Variants in OPCML observed in about 807,000 individuals in gnomAD.
The protein encoded by OPCML is opioid binding protein/cell adhesion molecule like, also known as opioid-binding protein/cell adhesion molecule.
Under a neutral mutation model 37.8 loss-of-function variants are expected in OPCML, and 13 were observed. That is an observed-to-expected ratio of 0.34 (90% CI 0.22 to 0.55). OPCML has a LOEUF of 0.55. Among genes scored for constraint, OPCML ranks in the 20% least tolerant of loss-of-function variants. The pLI is 0.91. For synonymous variants in OPCML, 176 were observed against 168.8 expected (o/e 1.04, Z -0.33); for missense variants, 341 against 435.6 (o/e 0.78, Z 1.93).
chr11:132,777,833 G>A (rs1946860319), intron 2 of OPCML, among the ~76,000 whole-genome samples: 1 of 152,166 alleles, frequency 6.6e-6, no homozygotes, highest in South Asian at 2.1e-4. Flanking sequence ...CATGTTTAAA[G>A]GCGCAGACCA....
chr11:132,660,496 A>G (rs561772708), intron 2 of OPCML, among the ~76,000 whole-genome samples: 1 of 152,324 alleles, frequency 6.6e-6, no homozygotes, highest in African/African-American at 2.4e-5. Context: ...TCTGGAAAGT[A>G]TATGATACCA....
intron 7 of OPCML, among the ~76,000 whole-genome samples, chr11:132,431,421 C>G (rs961886730): frequency 6.6e-6 from 1 of 152,242 alleles, no homozygotes; most frequent in South Asian, 2.1e-4. Flanking sequence ...GGCCACTTTT[C>G]CAGCACCTGC....
chr11:133,449,815 A>C (rs1020354618), intron 1 of OPCML, among the ~76,000 whole-genome samples: 3 of 151,678 alleles, frequency 2.0e-5, no homozygotes, highest in African/African-American at 7.3e-5. Flanking sequence ...TCACATTCTG[A>C]GGCTCCAGGT....
intron 1 of OPCML, among the ~76,000 whole-genome samples, chr11:132,964,305 A>G (rs1946164116): frequency 6.6e-6 from 1 of 152,238 alleles, no homozygotes; most frequent in Non-Finnish European, 1.5e-5. Context: ...TGCAGTCTTC[A>G]TGATACTGCT....
intron 1 of OPCML, among the ~76,000 whole-genome samples, chr11:132,994,961 C>T (rs1407665006): frequency 1.3e-5 from 2 of 152,318 alleles, no homozygotes; most frequent in East Asian, 3.9e-4. Context: ...AAAACTGAGA[C>T]TCTAAAAGGA....
intron 4 of OPCML, among the ~76,000 whole-genome samples, chr11:132,516,370 C>T (rs1182967832): frequency 6.6e-6 from 1 of 152,126 alleles, no homozygotes; most frequent in Non-Finnish European, 1.5e-5. Context: ...CAGAGTGCTT[C>T]CTGCATCTGG....
intron 4 of OPCML, among the ~76,000 whole-genome samples, chr11:132,479,415 G>C (rs1017798178): frequency 1.3e-5 from 2 of 152,218 alleles, no homozygotes; most frequent in Non-Finnish European, 2.9e-5. Flanking sequence ...AGCAGTCTGA[G>C]CTCAAACTGC....
intron 1 of OPCML, among the ~76,000 whole-genome samples, chr11:133,138,126 C>A (rs963504569): frequency 9.2e-5 from 14 of 152,142 alleles, no homozygotes; most frequent in African/African-American, 1.7e-4. Context: ...TTCTCACTCT[C>A]ATGGGACTGA....
Position 132,604,990 on chromosome 11 carries a change from T to C in OPCML, c.379+52097A>G, listed in dbSNP as rs1029469269. Among the ~76,000 whole-genome samples, 102 of 152,232 alleles carry C rather than the reference T, an allele frequency of 6.7e-4. 1 individual carries two copies. The highest frequency in any genetic ancestry group is 3.9e-3 in the Admixed American group (59 of 15,284). On this transcript the variant is annotated intron_variant, in intron 3 of 7. Coordinates refer to ENST00000524381, the MANE Select transcript of OPCML (RefSeq NM_001012393.5). ...ACCCATTATAAGAAATAAATTTTAG[T>C]AAAAATTAATCTGGCCCTGACATGC...
intron 1 of OPCML, among the ~76,000 whole-genome samples, chr11:133,284,269 A>T (rs576472269): frequency 7.9e-5 from 12 of 152,226 alleles, no homozygotes; most frequent in Non-Finnish European, 1.8e-4. Flanking sequence ...TGACAGCCTC[A>T]GGATGGCCTG....
At chr11:132,705,025 G>T (rs1041205732) in intron 2 of OPCML, among the ~76,000 whole-genome samples, 1 of 152,348 alleles carries the variant, frequency 6.6e-6, no homozygotes, top group Non-Finnish European at 1.5e-5. Context: ...TGAGTAAACA[G>T]ATCTGGCTGA....
chr11:132,625,119 A>G (rs770942619), intron 3 of OPCML, among the ~76,000 whole-genome samples: 1 of 152,156 alleles, frequency 6.6e-6, no homozygotes. Flanking sequence ...CAAAATCAAC[A>G]TTGTTATACA....
intron 3 of OPCML, among the ~76,000 whole-genome samples, chr11:132,610,479 G>A (rs905292237): frequency 6.6e-6 from 1 of 152,188 alleles, no homozygotes; most frequent in Admixed American, 6.5e-5. Flanking sequence ...TGAAACCATG[G>A]CAAAGTGCAG....
At chr11:133,384,646 T>C (rs1945005855) in intron 1 of OPCML, among the ~76,000 whole-genome samples, 1 of 152,246 alleles carries the variant, frequency 6.6e-6, no homozygotes, top group African/African-American at 2.4e-5. Context: ...GTGCCTTCTG[T>C]GCCTCATTCT....
intron 1 of OPCML, among the ~76,000 whole-genome samples, chr11:133,060,076 C>A (rs2136986102): frequency 6.6e-6 from 1 of 152,216 alleles, no homozygotes; most frequent in South Asian, 2.1e-4. Flanking sequence ...AAGGCCGTTC[C>A]TTTCTCTGGA....
At chr11:132,554,169 G>A (rs1401197335) in intron 3 of OPCML, among the ~76,000 whole-genome samples, 2 of 152,210 alleles carry the variant, frequency 1.3e-5, no homozygotes, top group Admixed American at 1.3e-4. Context: ...CACTCTGACA[G>A]ACAAATTATC....
chr11:132,706,478 C>T (rs1428000969), intron 2 of OPCML, among the ~76,000 whole-genome samples: 2 of 152,152 alleles, frequency 1.3e-5, no homozygotes, highest in Non-Finnish European at 2.9e-5. Context: ...TTTTTTAATG[C>T]TACTTCCTTG....
intron 1 of OPCML, among the ~76,000 whole-genome samples, chr11:133,022,464 G>A (rs1346705353): frequency 1.3e-5 from 2 of 151,760 alleles, no homozygotes; most frequent in African/African-American, 4.8e-5. Context: ...CGCAAATGGT[G>A]AGCATTTTAC....
intron 2 of OPCML, among the ~76,000 whole-genome samples, chr11:132,738,564 T>C (rs1945332060): frequency 6.6e-6 from 1 of 152,196 alleles, no homozygotes; most frequent in African/African-American, 2.4e-5. Flanking sequence ...GAGGAACATA[T>C]AGCTTGTCCT....
Sources: allele counts gnomAD v4.1 joint callset (sites outside exome capture counted in the v4.1 genomes callset), GRCh38; gene constraint gnomAD v4.1.1; transcripts MANE v1.5; gene names NCBI Gene and HGNC (gene_info 2026-07-23, HGNC 2026-07-21).